Variants in CELF2 observed in about 807,000 individuals in gnomAD.
CELF2 encodes CUG triplet repeat RNA-binding protein 2.
Under a neutral mutation model 62.6 loss-of-function variants are expected in CELF2, and 8 were observed. The observed-to-expected ratio is 0.13, with a 90% CI of 0.07 to 0.23. The LOEUF is 0.23. Among genes scored for constraint, CELF2 ranks in the 10% least tolerant of loss-of-function variants. The probability of loss-of-function intolerance (pLI) is 1.00; values close to 1 mark genes in which losing one functional copy is unlikely to be tolerated. For synonymous variants in CELF2, 258 were observed against 250.0 expected, an observed-to-expected ratio of 1.03 and a Z score of -0.30; for missense variants, 333 against 671.0, an observed-to-expected ratio of 0.50 and a Z score of 5.56.
At chr10:11,299,254 G>A (rs1036098028) in intron 9 of CELF2, among the ~76,000 whole-genome samples, 4 of 152,256 alleles carry the variant, frequency 2.6e-5, no homozygotes, top group African/African-American at 9.6e-5. Context: ...CACACGGCGG[G>A]TGGTGCGTGC....
chr10:10,878,524 G>C (rs1175906506), intron 1 of CELF2, among the ~76,000 whole-genome samples: 1 of 152,150 alleles, frequency 6.6e-6, no homozygotes, highest in Non-Finnish European at 1.5e-5. Context: ...TCTGCTCTTT[G>C]AATCAGATGG....
chr10:10,790,257 C>G, the CELF2 span, among the ~76,000 whole-genome samples: 1 of 151,790 alleles, frequency 6.6e-6, no homozygotes, highest in East Asian at 1.9e-4. Flanking sequence ...TTTTTATATT[C>G]CCGTTATGTA....
the CELF2 span, among the ~76,000 whole-genome samples, chr10:10,590,513 G>A: frequency 2.0e-5 from 3 of 152,200 alleles, no homozygotes; most frequent in East Asian, 1.9e-4. Flanking sequence ...AATCAAAGAC[G>A]GAATCACACT....
chr10:10,578,790 C>G, the CELF2 span, among the ~76,000 whole-genome samples: 4 of 152,300 alleles, frequency 2.6e-5, no homozygotes, highest in South Asian at 8.3e-4. Context: ...TCCACACCCT[C>G]TCTAGGCATT....
chr10:10,894,864 C>G (rs557014513), intron 1 of CELF2, among the ~76,000 whole-genome samples: 1 of 152,270 alleles, frequency 6.6e-6, no homozygotes, highest in Non-Finnish European at 1.5e-5. Flanking sequence ...CGGAAAATGT[C>G]TGTCCATTTA....
chr10:11,182,258 G>A lies in CELF2; in HGVS notation c.271+16576G>A, dbSNP rs531480875. 3.3e-5 allele frequency among the ~76,000 whole-genome samples: 5 copies of A among 152,266 alleles called. No individual in the cohort carries two copies. In the East Asian group the frequency reaches 5.8e-4, roughly 18 times the overall value. ...GCAAGGACTGATGTAACCGGGGAGC[G>A]GGGCAGCAAACAGAAATGACTTCAT... On this transcript the variant is annotated intron_variant, in intron 2 of 12. Transcript: ENST00000633077.
At chr10:11,245,706 T>C (rs1212534411) in intron 3 of CELF2, among the ~76,000 whole-genome samples, 1 of 152,188 alleles carries the variant, frequency 6.6e-6, no homozygotes, top group East Asian at 1.9e-4. Flanking sequence ...TGGTGTCATA[T>C]GAGTCATACA....
chr10:10,851,761 C>G (rs747524205), intron 1 of CELF2, among the ~76,000 whole-genome samples: 4 of 152,082 alleles, frequency 2.6e-5, no homozygotes, highest in Non-Finnish European at 5.9e-5. Context: ...AAGAGGAAAG[C>G]AAACAGCCCA....
At chr10:10,723,307 C>T in the CELF2 span, among the ~76,000 whole-genome samples, 1 of 152,154 alleles carries the variant, frequency 6.6e-6, no homozygotes. Context: ...TTTTGGTCAT[C>T]TGAAATGGAA....
intron 2 of CELF2, among the ~76,000 whole-genome samples, chr10:10,971,542 G>C (rs1157750480): frequency 6.6e-6 from 1 of 152,174 alleles, no homozygotes. Flanking sequence ...TCTGGAAAGA[G>C]TCATCCACAT....
Position 10,853,217 on chromosome 10 carries a change from G to C in CELF2, c.53+54400G>C, listed in dbSNP as rs111609437. Among the ~76,000 whole-genome samples the C allele has an allele frequency of 9.2e-4, 140 of 152,280 alleles. 1 individual carries two copies. Among genetic ancestry groups the C allele is most frequent in the African/African-American group, 3.0e-3 (124 of 41,552 alleles). On this transcript the variant is annotated intron_variant, in intron 1 of 13. Coordinates refer to the CELF2 transcript ENST00000636488. ...GTTGGTACTGAACTCCTGACCTCAGGCAATCTGCCCACCTTGGCCTCTGAA... is the reference window on the plus strand; with the variant it reads ...GTTGGTACTGAACTCCTGACCTCAGCCAATCTGCCCACCTTGGCCTCTGAA...
In CELF2 at chr10:11,309,547, C is replaced by T. The variant is rs191612210; in HGVS notation, c.977-4592C>T. Among the ~76,000 whole-genome samples the T allele has an allele frequency of 6.6e-6, 1 of 152,184 alleles. No individual in the cohort carries two copies. Among genetic ancestry groups the T allele is most frequent in the Non-Finnish European group, 1.5e-5 (1 of 68,042 alleles). ...TTTCACTTCCAGCTGTTAGCCTCCA[C>T]TAATCTTCAGTTGTTTGCGCTATTA... On this transcript the variant is annotated intron_variant, in intron 9 of 12. Transcript: ENST00000633077. The surrounding 1 kb of genome is among the most constrained non-coding windows in gnomAD (Gnocchi z 5.6).
rs1027789953 is a variant in CELF2, at chr10:10,910,131, T to C, written c.54-9833T>C. ...GTGATATTATGTCCCTGGGAACTAA[T>C]AGAGAAAAATTGGGCATTATTGCAA... is the stretch of plus-strand genomic sequence containing the variant. On this transcript the variant is annotated intron_variant, in intron 1 of 13. Coordinates refer to the CELF2 transcript ENST00000636488. Among the ~76,000 whole-genome samples, 10 of 152,322 alleles carry C rather than the reference T, an allele frequency of 6.6e-5. No homozygotes were observed. In the East Asian group the frequency reaches 9.6e-4, roughly 15 times the overall value.
chr10:10,902,671 G>A (rs892938535), intron 1 of CELF2, among the ~76,000 whole-genome samples: 1 of 152,054 alleles, frequency 6.6e-6, no homozygotes, highest in Non-Finnish European at 1.5e-5. Context: ...TATTATTTTG[G>A]TTATGGCAGT....
chr10:11,254,865 T>A (rs570235315), intron 4 of CELF2, among the ~76,000 whole-genome samples: 1 of 152,174 alleles, frequency 6.6e-6, no homozygotes, highest in African/African-American at 2.4e-5. Flanking sequence ...CTGATTTTTC[T>A]CCCTTTTCTA....
chr10:10,482,758 A>G, the CELF2 span, among the ~76,000 whole-genome samples: 1 of 152,104 alleles, frequency 6.6e-6, no homozygotes, highest in Non-Finnish European at 1.5e-5. Context: ...GTACAAACCA[A>G]CCACTCCAAA....
intron 9 of CELF2, among the ~76,000 whole-genome samples, chr10:11,307,013 G>A (rs1034111120): frequency 3.2e-4 from 48 of 152,316 alleles, no homozygotes; most frequent in African/African-American, 1.1e-3. Flanking sequence ...CTGTGCCTAA[G>A]GAGTTCTCTG....
intron 1 of CELF2, among the ~76,000 whole-genome samples, chr10:11,090,421 T>C (rs2048011176): frequency 6.6e-6 from 1 of 152,108 alleles, no homozygotes; most frequent in South Asian, 2.1e-4. Context: ...TATGTACTTC[T>C]TTCCCTCCTC....
At chr10:10,789,907 C>T in the CELF2 span, among the ~76,000 whole-genome samples, 1 of 151,942 alleles carries the variant, frequency 6.6e-6, no homozygotes, top group Non-Finnish European at 1.5e-5. Flanking sequence ...TTTTTATGAA[C>T]TCAAACATGA....
Sources: allele counts gnomAD v4.1 joint callset (sites outside exome capture counted in the v4.1 genomes callset), GRCh38; gene constraint gnomAD v4.1.1; non-coding constraint Gnocchi (gnomAD v3.1); transcripts MANE v1.5; gene names NCBI Gene and HGNC (gene_info 2026-07-23, HGNC 2026-07-21).